The following KIAA0319 variants were observed in gnomAD, a reference collection of about 807,000 sequenced individuals.
The protein encoded by KIAA0319 is KIAA0319.
In KIAA0319, 83 loss-of-function variants were observed where a neutral mutation model predicts 108.4. That is an observed-to-expected ratio of 0.77 (90% CI 0.64 to 0.92). The LOEUF (loss-of-function observed/expected upper bound fraction) is 0.92, where lower values mean the gene tolerates loss of function less well. Ranked by LOEUF, KIAA0319 falls within the 40% of genes least tolerant of loss-of-function variation. The pLI is 0.00. For synonymous variants in KIAA0319, 484 were observed against 510.4 expected, an observed-to-expected ratio of 0.95 and a Z score of 0.70; for missense variants, 1,195 against 1,322.4, an observed-to-expected ratio of 0.90 and a Z score of 1.49.
At position 24,599,907 on chromosome 6, in the gene KIAA0319, G is replaced by A. The variant is rs549545430; in HGVS notation, c.55+1142C>T. ...GAGACCCACCTGAGGCTCAGCGCTC[G>A]CCCTCAGCCGACCCGCGGGAGAGTT... On this transcript the variant is annotated intron_variant, in intron 2 of 20. Coordinates refer to ENST00000378214, the MANE Select transcript of KIAA0319 (RefSeq NM_014809.4). This position sits in a 1 kb window ranked among gnomAD's most constrained non-coding sequence, Gnocchi z 4.1. The A allele has an allele frequency of 9.3e-5, 28 of 302,168 alleles. No individual in the cohort carries two copies. Among genetic ancestry groups the A allele is most frequent in the African/African-American group, 3.8e-4 (17 of 44,600 alleles). 18.7% of individuals were successfully genotyped at this position (302,168 alleles called of 1,614,324 possible).
chr6:24,552,707 G>A (rs1464212777), intron 19 of KIAA0319, among the ~76,000 whole-genome samples: 1 of 152,162 alleles, frequency 6.6e-6, no homozygotes, highest in East Asian at 1.9e-4. Context: ...CCGGGTTCAA[G>A]CGATTCTCCC....
At chr6:24,608,097 A>G (rs949251404) in intron 1 of KIAA0319, among the ~76,000 whole-genome samples, 4 of 152,194 alleles carry the variant, frequency 2.6e-5, no homozygotes, top group Admixed American at 2.6e-4. Flanking sequence ...TACAGAAAAC[A>G]TAATAGAGGA....
chr6:24,623,155 C>T (rs1372275548), intron 1 of KIAA0319, among the ~76,000 whole-genome samples: 15 of 152,068 alleles, frequency 9.9e-5, no homozygotes, highest in Admixed American at 8.5e-4. Flanking sequence ...ACCTGTTCTA[C>T]GTGGCTGAAG....
At chr6:24,547,405 G>A (rs924012051) in intron 20 of KIAA0319, 62 bp from the exon 21 acceptor site, 100 of 1,466,662 alleles carry the variant, frequency 6.8e-5, no homozygotes, top group East Asian at 9.5e-5. Context: ...GCTGTCAGTC[G>A]TTGTGGTTGC....
At chr6:24,597,494 G>A (rs1437862069) in intron 2 of KIAA0319, among the ~76,000 whole-genome samples, 1 of 152,184 alleles carries the variant, frequency 6.6e-6, no homozygotes, top group East Asian at 1.9e-4. Flanking sequence ...TACCTTAAAA[G>A]CAAAGATCTT....
chr6:24,598,204 A>G (rs1161942222), intron 2 of KIAA0319: 2 of 494,028 alleles, frequency 4.0e-6, no homozygotes, highest in Admixed American at 2.9e-5. Flanking sequence ...TGGCGGGACC[A>G]GTGGTATGGA....
At chr6:24,571,503 A>G in intron 11 of KIAA0319, among the ~76,000 whole-genome samples, 1 of 152,126 alleles carries the variant, frequency 6.6e-6, no homozygotes, top group Non-Finnish European at 1.5e-5. Flanking sequence ...TTGCCGTAGG[A>G]TAGAGTACTT....
At chr6:24,588,826 A>T in intron 3 of KIAA0319, 41 bp from the exon 4 acceptor site, 1 of 1,529,852 alleles carries the variant, frequency 6.5e-7, no homozygotes, top group Non-Finnish European at 9.0e-7. Flanking sequence ...ATTAAAAAAA[A>T]AACAGTCCAA....
chr6:24,542,550 G>T (rs947171160), downstream of KIAA0319, among the ~76,000 whole-genome samples: 1 of 152,116 alleles, frequency 6.6e-6, no homozygotes, highest in African/African-American at 2.4e-5. Context: ...GGAGAGCATA[G>T]TGAGACTCCC....
At chr6:24,617,456 T>C (rs1773310679) in intron 1 of KIAA0319, among the ~76,000 whole-genome samples, 2 of 152,138 alleles carry the variant, frequency 1.3e-5, no homozygotes, top group Non-Finnish European at 2.9e-5. Flanking sequence ...TGCTTTTAAA[T>C]ACCTAGCTGT....
chr6:24,625,165 T>TA, intron 1 of KIAA0319, among the ~76,000 whole-genome samples: 1 of 152,282 alleles, frequency 6.6e-6, no homozygotes, highest in African/African-American at 2.4e-5. Flanking sequence ...AGAACAAGAA[T>TA]AAAACTGGTG....
chr6:24,551,487 G>C lies in KIAA0319; in HGVS notation c.2987C>G (p.Thr996Ser). 1.9e-6 allele frequency: 3 copies of C among 1,612,528 alleles called. No individual in the cohort carries two copies. The highest frequency in any genetic ancestry group is 2.5e-6 in the Non-Finnish European group (3 of 1,178,562). The change falls in exon 20 of 21, where the codon ACC (threonine) becomes AGC (serine). Residue 996 changes from threonine (T) to serine (S), a missense_variant. Physicochemically the swap from Thr to Ser is moderately conservative, Grantham distance 58. Coordinates refer to ENST00000378214, the MANE Select transcript of KIAA0319 (RefSeq NM_014809.4). ...CTGTTCATCCATGTTATCCAGGATG[G>C]TGTACTTTGTTTTTTTCCTGATTTT... Reference protein sequence around the residue: ...RTKIRKKTKYTILDNMDEQER... With the variant: ...RTKIRKKTKYSILDNMDEQER...
chr6:24,608,104 A>T (rs1231128865), intron 1 of KIAA0319, among the ~76,000 whole-genome samples: 1 of 152,182 alleles, frequency 6.6e-6, no homozygotes, highest in Non-Finnish European at 1.5e-5. Context: ...AACATAATAG[A>T]GGACTATAGC....
intron 10 of KIAA0319, among the ~76,000 whole-genome samples, chr6:24,574,045 G>T (rs184048334): frequency 8.6e-4 from 131 of 152,266 alleles, no homozygotes; most frequent in African/African-American, 3.0e-3. Context: ...AACTCAGGGG[G>T]TGGAGGTTGC....
At chr6:24,604,107 G>A (rs941700573) in intron 1 of KIAA0319, among the ~76,000 whole-genome samples, 1 of 152,202 alleles carries the variant, frequency 6.6e-6, no homozygotes. Context: ...CACCTGCTTT[G>A]ATAAGGTAAA....
chr6:24,601,726 G>A (rs1272358063), intron 1 of KIAA0319, among the ~76,000 whole-genome samples: 3 of 152,154 alleles, frequency 2.0e-5, no homozygotes, highest in South Asian at 2.1e-4. Flanking sequence ...TAAAAATTAA[G>A]GAAGCCATTA....
intron 17 of KIAA0319, among the ~76,000 whole-genome samples, chr6:24,558,141 G>A (rs369387069): frequency 6.6e-6 from 1 of 151,920 alleles, no homozygotes; most frequent in Non-Finnish European, 1.5e-5. Context: ...TATTGGCTGG[G>A]CGTGGTGGCT....
chr6:24,611,987 G>A (rs1472342695), intron 1 of KIAA0319, among the ~76,000 whole-genome samples: 1 of 151,708 alleles, frequency 6.6e-6, no homozygotes, highest in Non-Finnish European at 1.5e-5. Context: ...GGAAGCAGAG[G>A]TTGCAGAAAG....
chr6:24,547,422 T>C (rs34829630), intron 20 of KIAA0319, 79 bp from the exon 21 acceptor site: 542,120 of 1,275,066 alleles, frequency 0.43, 119,581 homozygotes, highest in Non-Finnish European at 0.46. Flanking sequence ...TTGCAGGTCC[T>C]GTGATGGGCA....
Sources: gnomAD v4.1 joint callset for allele counts (sites outside exome capture counted in the v4.1 genomes callset) on GRCh38, gnomAD v4.1.1 for gene constraint, Gnocchi (gnomAD v3.1) non-coding constraint, MANE v1.5 for transcripts, NCBI Gene and HGNC (gene_info 2026-07-23, HGNC 2026-07-21) for gene names.